DDX31: variants seen among roughly 807,000 people sequenced by gnomAD.
The protein encoded by DDX31 is DEAD-box helicase 31.
DDX31 carries 70 observed loss-of-function variants against 91.3 expected under a neutral mutation model. The ratio of observed to expected loss-of-function variants is 0.77; its 90% CI spans 0.63 to 0.94. DDX31 has a LOEUF of 0.94. DDX31 is among the 40% of genes least tolerant of loss of function. The pLI, the probability that DDX31 is intolerant of heterozygous loss-of-function variation, is 0.00. For synonymous variants in DDX31, 362 were observed against 350.6 expected (o/e 1.03, Z -0.36); for missense variants, 902 against 925.0 (o/e 0.98, Z 0.32).
rs1370968116 is a variant in DDX31, at chr9:132,648,534, T to C, written c.758A>G (p.Asn253Ser). The change falls in exon 10 of 20, where the codon AAT becomes AGT. Residue 253 changes from asparagine to serine, a missense_variant. Transcript: ENST00000372159. Reference protein sequence around the residue: ...SEKARLRKGINILISTPGRLV... With the variant: ...SEKARLRKGISILISTPGRLV... ...GCGTCCAGGAGTTGAGATAAGGATA[T>C]TTATTCCTTTGCGGAGTCTGTTTAA... 3.1e-6 allele frequency: 5 copies of C among 1,612,172 alleles called. No homozygotes were observed. Among genetic ancestry groups the C allele is most frequent in the African/African-American group, 1.3e-5 (1 of 74,852 alleles).
chr9:132,644,848 G>A (rs1021060969), intron 13 of DDX31, among the ~76,000 whole-genome samples: 6 of 152,290 alleles, frequency 3.9e-5, no homozygotes, highest in South Asian at 2.1e-4. Flanking sequence ...TACCTAATGC[G>A]CAAGGGCTGG....
chr9:132,669,620 G>A lies in DDX31; in HGVS notation c.75+240C>T, dbSNP rs766050053. 64 of 1,527,128 alleles carry A rather than the reference G, an allele frequency of 4.2e-5. No homozygotes were observed. In the South Asian group the frequency reaches 7.1e-4, roughly 17 times the overall value. The allele number at this position is 1,527,128 out of a possible 1,614,324, so 94.6% of individuals were successfully genotyped here. ...CCTTCCTTTACTTTTCTAGGCGCAG[G>A]AGCCAGCTCCCCGCCCCTCCACACC... On this transcript the variant is annotated intron_variant, in intron 1 of 19. Coordinates refer to ENST00000372159, the MANE Select transcript of DDX31 (RefSeq NM_022779.9).
intron 16 of DDX31, among the ~76,000 whole-genome samples, chr9:132,627,736 C>T (rs1410664353): frequency 6.6e-6 from 1 of 152,174 alleles, no homozygotes; most frequent in Admixed American, 6.5e-5. Flanking sequence ...CCTGTCTGCT[C>T]CATTCAACTG....
Position 132,642,074 on chromosome 9 carries a change from A to G in DDX31, c.1381-11T>C, listed in dbSNP as rs1833536891. On this transcript the variant is annotated splice_polypyrimidine_tract_variant and intron_variant, in intron 13 of 19. Transcript: ENST00000372159. The stretch of plus-strand genomic sequence containing the variant: ...CACTGCTGTTCTTTCCTACAAAAAC[A>G]AGGAAAAATAGAGCCTTACAACTCA... 1 of 1,614,012 alleles carries G rather than the reference A, an allele frequency of 6.2e-7. No individual in the cohort carries two copies. The highest frequency in any genetic ancestry group is 8.5e-7 in the Non-Finnish European group (1 of 1,179,856).
At chr9:132,635,233 G>A (rs1373743327) in intron 14 of DDX31, among the ~76,000 whole-genome samples, 3 of 152,040 alleles carry the variant, frequency 2.0e-5, no homozygotes, top group Non-Finnish European at 2.9e-5. Flanking sequence ...AAGTAGCTGG[G>A]GAGTTACACT....
intron 12 of DDX31, 137 bp from the exon 13 acceptor site, chr9:132,646,208 A>G: frequency 1.1e-6 from 1 of 870,008 alleles, no homozygotes; most frequent in Non-Finnish European, 1.7e-6. Flanking sequence ...TATTTAAAAA[A>G]ACAAAAACAA....
intron 7 of DDX31, 147 bp downstream of exon 7, chr9:132,652,301 G>C: frequency 1.2e-6 from 1 of 838,590 alleles, no homozygotes; most frequent in South Asian, 2.0e-5. Context: ...TCCTTGACAA[G>C]AACCAGAAGG....
At position 132,612,270 on chromosome 9, in the gene DDX31, A is replaced by G. The variant is rs1367931234; in HGVS notation, c.1826-15T>C. The G allele has an allele frequency of 6.2e-7, 1 of 1,614,044 alleles. No homozygotes were observed. ...GGACTGCAGAGCTGAAAGAAAAGAG[A>G]GCGGGGAGGGAAGCTGTCAGGACCG... On this transcript the variant is annotated splice_polypyrimidine_tract_variant and intron_variant, in intron 18 of 19. Transcript: ENST00000372159.
Position 132,612,144 on chromosome 9 carries a change from T to C in DDX31, c.1937A>G (p.Asp646Gly). Residue 646 changes from aspartate (D) to glycine (G), a missense_variant, in exon 19 of 20, where the codon GAT (aspartate) becomes GGT (glycine). By Grantham distance (94) the Asp-to-Gly change is moderately conservative. Coordinates refer to ENST00000372159, the MANE Select transcript of DDX31 (RefSeq NM_022779.9). ...CAAGGCACTAAGATTCCTGGGGGCA[T>C]CTCTTAGTCCGAAGCTCTTCGCCAC... ...GHVAKSFGLR[D>G]APRNLSALTR... 1.2e-5 allele frequency: 20 copies of C among 1,614,188 alleles called. No individual in the cohort carries two copies. Among genetic ancestry groups the C allele is most frequent in the Non-Finnish European group, 1.7e-5 (20 of 1,180,036 alleles).
intron 15 of DDX31, among the ~76,000 whole-genome samples, chr9:132,631,156 AT>A (rs1466784951): frequency 6.6e-6 from 1 of 152,246 alleles, no homozygotes; most frequent in Non-Finnish European, 1.5e-5. Context: ...CTAATTGACC[AT>A]CCACTCATTC....
intron 19 of DDX31, among the ~76,000 whole-genome samples, chr9:132,600,218 C>A (rs1830653014): frequency 6.6e-6 from 1 of 152,246 alleles, no homozygotes; most frequent in Admixed American, 6.5e-5. Flanking sequence ...CTTTCAACCT[C>A]TGGGTTCTGT....
intron 19 of DDX31, among the ~76,000 whole-genome samples, chr9:132,598,743 C>T (rs564547402): frequency 4.6e-5 from 7 of 152,260 alleles, no homozygotes; most frequent in African/African-American, 1.4e-4. Context: ...ATTTATGTAC[C>T]GTTAAGGCTA....
At chr9:132,600,676 A>T (rs1398298361) in intron 19 of DDX31, among the ~76,000 whole-genome samples, 1 of 152,234 alleles carries the variant, frequency 6.6e-6, no homozygotes, top group East Asian at 1.9e-4. Flanking sequence ...ATGGATGGGA[A>T]CTTTGAGACT....
At chr9:132,648,795 G>GCCC (rs1233772968) in intron 9 of DDX31, among the ~76,000 whole-genome samples, 1 of 152,100 alleles carries the variant, frequency 6.6e-6, no homozygotes, top group Non-Finnish European at 1.5e-5. Flanking sequence ...CTTTGAAAGG[G>GCCC]ATCATAACTA....
chr9:132,631,983 T>C, intron 15 of DDX31, 58 bp downstream of exon 15: 2 of 1,471,682 alleles, frequency 1.4e-6, no homozygotes, highest in Non-Finnish European at 1.9e-6. Context: ...AGCCAATGCA[T>C]CTACTCATGA....
intron 13 of DDX31, among the ~76,000 whole-genome samples, chr9:132,644,312 A>G (rs897491024): frequency 6.6e-6 from 1 of 152,216 alleles, no homozygotes; most frequent in African/African-American, 2.4e-5. Context: ...AATAGTAATA[A>G]AGGCACTTTA....
chr9:132,595,859 A>G lies in DDX31; in HGVS notation c.1995-747T>C, dbSNP rs145387211. Among the ~76,000 whole-genome samples, 203 of 152,342 alleles carry G rather than the reference A, an allele frequency of 1.3e-3. No homozygotes were observed. Among genetic ancestry groups the G allele is most frequent in the African/African-American group, 4.6e-3 (190 of 41,578 alleles). On this transcript the variant is annotated intron_variant, in intron 19 of 19. Transcript: ENST00000372159. This position sits in a 1 kb window ranked among gnomAD's most constrained non-coding sequence, Gnocchi z 4.6. ...AATCAATTTCCGATGTCGAATCCTG[A>G]TAACTGTTCTGAAAAGATGGCAATT...
rs1830277374 is a variant in DDX31 at position 132,593,172 on chromosome 9, G to GT, written c.*1693dup. On this transcript the variant is annotated 3_prime_UTR_variant, in exon 20 of 20. Transcript: ENST00000372159. ...CCATAAGAGTTAGCAGATTAAGTGT[G>GT]TAAGTTTTGATCTTGGAATTATCGT... 3.3e-5 allele frequency: 5 copies of GT among 152,208 alleles called. No homozygotes were observed. The highest frequency in any genetic ancestry group is 3.3e-4 in the Admixed American group (5 of 15,284). The allele number at this position is 152,208 out of a possible 1,614,324, so 9.4% of individuals were successfully genotyped here.
Position 132,662,256 on chromosome 9 carries a change from C to CTTA in DDX31, c.408+2_408+4dup. ...CTGACCCAGAAAACACTGAAAGGTA[C>CTTA]TTACTAAATGTGGGTGGAGGCCCAG... On this transcript the variant is annotated splice_donor_region_variant and intron_variant, in intron 3 of 19. Transcript: ENST00000372159. 6.2e-7 allele frequency: 1 copy of CTTA among 1,614,122 alleles called. No homozygotes were observed. The highest frequency in any genetic ancestry group is 8.5e-7 in the Non-Finnish European group (1 of 1,180,004).
Sources: gnomAD v4.1 joint callset for allele counts (sites outside exome capture counted in the v4.1 genomes callset) on GRCh38, gnomAD v4.1.1 for gene constraint, Gnocchi (gnomAD v3.1) non-coding constraint, MANE v1.5 for transcripts, NCBI Gene and HGNC (gene_info 2026-07-23, HGNC 2026-07-21) for gene names.